The following DNAH2 variants were observed in gnomAD, a reference collection of about 807,000 sequenced individuals.
The protein encoded by DNAH2 is dynein axonemal heavy chain 2.
DNAH2 carries 323 observed loss-of-function variants against 523.5 expected under a neutral mutation model. The observed-to-expected ratio is 0.62, with a 90% CI of 0.56 to 0.68. The LOEUF (loss-of-function observed/expected upper bound fraction) is 0.68. Ranked by LOEUF, DNAH2 falls within the 30% of genes least tolerant of loss-of-function variation. The pLI, the probability that DNAH2 is intolerant of heterozygous loss-of-function variation, is 0.00. For synonymous variants in DNAH2, 2,093 were observed against 2,177.4 expected, an observed-to-expected ratio of 0.96 and a Z score of 1.08; for missense variants, 4,907 against 5,701.5, an observed-to-expected ratio of 0.86 and a Z score of 4.49.
Position 7,780,037 on chromosome 17 carries a change from G to T in DNAH2, c.5723-120G>T. 3 of 1,344,838 alleles carry T rather than the reference G, an allele frequency of 2.2e-6. No homozygotes were observed. 83.3% of individuals were successfully genotyped at this position (1,344,838 alleles called of 1,614,324 possible). Reference sequence around the variant, plus strand: ...GAGAAAGGATGTGGTCTTGGAGTTGGAGAGAAAGTTAGGGATGGAGTTAGG... The same window carrying T: ...GAGAAAGGATGTGGTCTTGGAGTTGTAGAGAAAGTTAGGGATGGAGTTAGG... On this transcript the variant is annotated intron_variant, in intron 36 of 85. Coordinates refer to ENST00000572933, the MANE Select transcript of DNAH2 (RefSeq NM_020877.5). The surrounding 1 kb of genome is among the most constrained non-coding windows in gnomAD (Gnocchi z 4.4).
At chr17:7,768,760 C>G (rs925016611) in intron 24 of DNAH2, among the ~76,000 whole-genome samples, 1 of 152,212 alleles carries the variant, frequency 6.6e-6, no homozygotes. Flanking sequence ...TCAACCTGTT[C>G]AGACTTTACA....
At position 7,787,021 on chromosome 17, in the gene DNAH2, G is replaced by GAT. The variant is rs756919466; in HGVS notation, c.6592_6593dup (p.Met2198IlefsTer105). The GAT allele has an allele frequency of 1.9e-6, 3 of 1,613,978 alleles. No individual in the cohort carries two copies. The African/African-American group carries it at 4.0e-5, about 22-fold the overall frequency. ...CCCTCATCAACGGCGAGCGCATCGC[G>GAT]ATGCCCGAGCAGGTCAGGGACGCGG... On this transcript the variant is annotated frameshift_variant, in exon 42 of 86. Coordinates refer to ENST00000572933, the MANE Select transcript of DNAH2 (RefSeq NM_020877.5). LOFTEE classifies it high-confidence loss of function.
At position 7,733,305 on chromosome 17, in the gene DNAH2, C is replaced by G; in HGVS notation, c.618C>G (p.Ala206=). ...HFASHLHKFL[A]CLTDTRYKLE... ...CTTCTCATCTGCACAAGTTCTTGGC[C>G]TGCCTGACAGGTAAGTGGGAAGACC... The change falls in exon 5 of 86, where the codon GCC becomes GCG. Residue 206 remains alanine, a synonymous_variant. Coordinates refer to ENST00000572933, the MANE Select transcript of DNAH2 (RefSeq NM_020877.5). 1 of 1,613,984 alleles carries G rather than the reference C, an allele frequency of 6.2e-7. No individual in the cohort carries two copies. The highest frequency in any genetic ancestry group is 8.5e-7 in the Non-Finnish European group (1 of 1,180,010).
intron 9 of DNAH2, 53 bp downstream of exon 9, chr17:7,739,991 A>G: frequency 1.3e-6 from 2 of 1,520,316 alleles, no homozygotes; most frequent in South Asian, 1.1e-5. Flanking sequence ...CAGATCAGGC[A>G]GCCAAGAGTG....
chr17:7,743,472 C>T, intron 12 of DNAH2: 1 of 654,056 alleles, frequency 1.5e-6, no homozygotes, highest in Non-Finnish European at 2.7e-6. Context: ...TTGAGAACAG[C>T]CTGGGCAACA....
intron 63 of DNAH2, among the ~76,000 whole-genome samples, chr17:7,812,224 G>T (rs565443565): frequency 3.2e-4 from 49 of 152,324 alleles, no homozygotes; most frequent in Non-Finnish European, 6.3e-4. Context: ...AGCATTTACT[G>T]GATCGGGGGT....
intron 24 of DNAH2, among the ~76,000 whole-genome samples, chr17:7,768,597 A>G (rs928571222): frequency 2.0e-5 from 3 of 152,166 alleles, no homozygotes; most frequent in Non-Finnish European, 4.4e-5. Flanking sequence ...TCAAGTATAC[A>G]ATAGATTGTT....
At chr17:7,759,659 G>A in intron 16 of DNAH2, 49 bp downstream of exon 16, 1 of 1,602,264 alleles carries the variant, frequency 6.2e-7, no homozygotes, top group East Asian at 2.2e-5. Flanking sequence ...CATCTTATTT[G>A]TCAGTTTCCC....
At position 7,807,682 on chromosome 17, in the gene DNAH2, C is replaced by T. The variant is rs2077405102; in HGVS notation, c.9729+96C>T. Reference sequence around the variant, plus strand: ...GTTTTCCCCCATCTAATTCTAGCCCCCTTCCCCATGTCCTGTGCCATTCCA... The same window carrying T: ...GTTTTCCCCCATCTAATTCTAGCCCTCTTCCCCATGTCCTGTGCCATTCCA... On this transcript the variant is annotated intron_variant, in intron 63 of 85. Transcript: ENST00000572933. This position sits in a 1 kb window ranked among gnomAD's most constrained non-coding sequence, Gnocchi z 5.6. 5 of 1,087,164 alleles carry T rather than the reference C, an allele frequency of 4.6e-6. No homozygotes were observed. The Admixed American group carries it at 5.6e-5, about 12-fold the overall frequency. 67.3% of individuals were successfully genotyped at this position (1,087,164 alleles called of 1,614,324 possible).
intron 4 of DNAH2, among the ~76,000 whole-genome samples, chr17:7,728,949 C>T (rs909730829): frequency 1.3e-5 from 2 of 151,650 alleles, no homozygotes; most frequent in African/African-American, 2.4e-5. Flanking sequence ...CACTTCACTG[C>T]ACTCCAGCCT....
intron 12 of DNAH2, among the ~76,000 whole-genome samples, chr17:7,744,235 A>C (rs1035683137): frequency 2.7e-5 from 4 of 146,760 alleles, no homozygotes; most frequent in African/African-American, 1.0e-4. Context: ...CGGAGGTTGC[A>C]GTGAGCCGAG....
Position 7,786,151 on chromosome 17 carries a change from C to A in DNAH2, c.6157C>A (p.Arg2053=). The change falls in exon 40 of 86, where the codon CGA becomes AGA. Residue 2053 remains arginine, a synonymous_variant. Coordinates refer to ENST00000572933, the MANE Select transcript of DNAH2 (RefSeq NM_020877.5). The surrounding 1 kb of genome is among the most constrained non-coding windows in gnomAD (Gnocchi z 7.5). ...KLRETVEQEI[R]DMGLQSTPFT... is the part of the protein sequence containing the mutation. ...GCGGGAGACCGTTGAGCAGGAGATT[C>A]GAGACATGGGCCTGCAAAGCACGCC... The A allele has an allele frequency of 6.2e-7, 1 of 1,613,876 alleles. No individual in the cohort carries two copies. Among genetic ancestry groups the A allele is most frequent in the Non-Finnish European group, 8.5e-7 (1 of 1,180,000 alleles).
intron 28 of DNAH2, among the ~76,000 whole-genome samples, chr17:7,772,580 AC>A (rs1311188198): frequency 6.6e-6 from 1 of 152,208 alleles, no homozygotes; most frequent in East Asian, 1.9e-4. Context: ...CATGAGGGTC[AC>A]CTCTGAGTTC....
chr17:7,737,235 A>G lies in DNAH2; in HGVS notation c.1147A>G (p.Arg383Gly). ...CTCTCCCCACTACAACACTCGGGAG[A>G]GACTGACCTCGCTCTTCCGAAAGGT... is the stretch of plus-strand genomic sequence containing the variant. Reference protein sequence around the residue: ...VNSPHYNTRERLTSLFRKVCD... With the variant: ...VNSPHYNTREGLTSLFRKVCD... The change falls in exon 8 of 86, where the codon AGA (arginine) becomes GGA (glycine). Residue 383 changes from arginine to glycine, a missense_variant. Arg to Gly is a moderately radical substitution (Grantham distance 125, BLOSUM62 -2). Coordinates refer to ENST00000572933, the MANE Select transcript of DNAH2 (RefSeq NM_020877.5). 1.2e-6 allele frequency: 2 copies of G among 1,613,922 alleles called. No individual in the cohort carries two copies. Among genetic ancestry groups the G allele is most frequent in the Non-Finnish European group, 1.7e-6 (2 of 1,179,954 alleles).
At position 7,786,526 on chromosome 17, in the gene DNAH2, T is replaced by C. The variant is rs1301533770; in HGVS notation, c.6349-44T>C. On this transcript the variant is annotated intron_variant, in intron 40 of 85. Coordinates refer to ENST00000572933, the MANE Select transcript of DNAH2 (RefSeq NM_020877.5). The surrounding 1 kb of genome is among the most constrained non-coding windows in gnomAD (Gnocchi z 7.5). Reference sequence around the variant, plus strand: ...GAGGGGTCTGGAAATAAAGAGGGGTTTTTGTCCATCAGCAGCTAAAACCCC... The same window carrying C: ...GAGGGGTCTGGAAATAAAGAGGGGTCTTTGTCCATCAGCAGCTAAAACCCC... 1 of 1,576,026 alleles carries C rather than the reference T, an allele frequency of 6.3e-7. No homozygotes were observed. The highest frequency in any genetic ancestry group is 2.2e-5 in the East Asian group (1 of 44,548).
At chr17:7,793,515 C>CTTCTCT (rs1257357906) in intron 48 of DNAH2, among the ~76,000 whole-genome samples, 3 of 104,562 alleles carry the variant, frequency 2.9e-5, no homozygotes, top group African/African-American at 9.7e-5. Context: ...TTCTTTCTTT[C>CTTCTCT]TTCTCTTTCT....
At chr17:7,758,280 T>A (rs1285286959) in intron 13 of DNAH2, among the ~76,000 whole-genome samples, 9 of 152,216 alleles carry the variant, frequency 5.9e-5, no homozygotes. Flanking sequence ...GTGATTGCAG[T>A]TGTTGCCATT....
Position 7,797,428 on chromosome 17 carries a change from GCAGA to G in DNAH2, c.7981_7984del (p.Asp2661GlnfsTer8). On this transcript the variant is annotated frameshift_variant, in exon 52 of 86. Transcript: ENST00000572933. LOFTEE classifies it high-confidence loss of function. ...CTTCTCTGACCGGCTGGTTGATGCG[GCAGA>G]CACAGAAGCCTTCATGGGCATCATA... 6.2e-7 allele frequency: 1 copy of G among 1,614,130 alleles called. No individual in the cohort carries two copies. Among genetic ancestry groups the G allele is most frequent in the Non-Finnish European group, 8.5e-7 (1 of 1,180,036 alleles).
intron 30 of DNAH2, among the ~76,000 whole-genome samples, chr17:7,775,705 G>GAAAAAAAAAAAAA (rs34099534): frequency 8.1e-6 from 1 of 123,032 alleles, no homozygotes; most frequent in Non-Finnish European, 1.6e-5. Context: ...AAAAAAAAAA[G>GAAAAAAAAAAAAA]AAAAAAAAAA....
Sources: gnomAD v4.1 joint callset for allele counts (sites outside exome capture counted in the v4.1 genomes callset) on GRCh38, gnomAD v4.1.1 for gene constraint, Gnocchi (gnomAD v3.1) non-coding constraint, MANE v1.5 for transcripts, NCBI Gene and HGNC (gene_info 2026-07-23, HGNC 2026-07-21) for gene names.